CLVS1: variants seen among roughly 807,000 people sequenced by gnomAD.
CLVS1 encodes clavesin-1.
A neutral mutation model predicts 33.1 loss-of-function variants in CLVS1; 10 were observed. The ratio of observed to expected loss-of-function variants is 0.30; its 90% CI spans 0.19 to 0.51. The LOEUF (loss-of-function observed/expected upper bound fraction) is 0.51, where lower values mean the gene tolerates loss of function less well. Ranked by LOEUF, CLVS1 falls within the 20% of genes least tolerant of loss-of-function variation. The probability of loss-of-function intolerance (pLI) is 0.97; values close to 1 mark genes in which losing one functional copy is unlikely to be tolerated. For synonymous variants in CLVS1, 163 were observed against 166.1 expected (o/e 0.98, Z 0.14); for missense variants, 343 against 433.4 (o/e 0.79, Z 1.85).
At chr8:61,190,190 G>A (rs1044165849) in intron 2 of CLVS1, among the ~76,000 whole-genome samples, 29 of 151,992 alleles carry the variant, frequency 1.9e-4, no homozygotes, top group South Asian at 6.2e-4. Context: ...ACCACAGTGC[G>A]ATCAAACTAG....
chr8:61,110,201 C>A lies in CLVS1; in HGVS notation c.-242-21569C>A, dbSNP rs1291216828. Among the ~76,000 whole-genome samples, 6 of 152,186 alleles carry A rather than the reference C, an allele frequency of 3.9e-5. No homozygotes were observed. In the East Asian group the frequency reaches 1.2e-3, roughly 29 times the overall value. ...GGGGTCGGCCTGTAACCCTGACTGC[C>A]TGGCAGGTGCAGAAAACATTGGCTG... On this transcript the variant is annotated intron_variant, in intron 1 of 2. Coordinates refer to the CLVS1 transcript ENST00000522621.
the CLVS1 span, chr8:60,966,511 C>T: frequency 2.5e-6 from 1 of 392,982 alleles, no homozygotes; most frequent in Non-Finnish European, 5.1e-6. Flanking sequence ...TGCCATGACC[C>T]AGCATCCCAA....
intron 1 of CLVS1, among the ~76,000 whole-genome samples, chr8:61,105,757 C>T (rs1262465476): frequency 1.3e-5 from 2 of 148,862 alleles, no homozygotes; most frequent in Non-Finnish European, 3.0e-5. Context: ...TAGGAGGTCT[C>T]TGAACATTTT....
chr8:60,991,399 A>G, the CLVS1 span, among the ~76,000 whole-genome samples: 3 of 152,356 alleles, frequency 2.0e-5, no homozygotes, highest in Admixed American at 1.3e-4. Context: ...TGTACTGAAT[A>G]GCTTTTATAC....
At chr8:61,172,305 T>C (rs1248548700) in intron 2 of CLVS1, among the ~76,000 whole-genome samples, 1 of 146,226 alleles carries the variant, frequency 6.8e-6, no homozygotes, top group Non-Finnish European at 1.5e-5. Flanking sequence ...GAAGACTTTA[T>C]TTGGGGGAAA....
intron 2 of CLVS1, among the ~76,000 whole-genome samples, chr8:61,200,265 C>T (rs1431747419): frequency 6.6e-6 from 1 of 151,830 alleles, no homozygotes; most frequent in Admixed American, 6.6e-5. Flanking sequence ...ATTATAGGTG[C>T]CTGCCACCAT....
chr8:61,337,451 G>A (rs910006572), intron 2 of CLVS1, among the ~76,000 whole-genome samples: 12 of 152,110 alleles, frequency 7.9e-5, no homozygotes, highest in Admixed American at 2.0e-4. Context: ...GCCCAGCACT[G>A]GACAGTCCCT....
intron 2 of CLVS1, among the ~76,000 whole-genome samples, chr8:61,336,783 A>G (rs978867162): frequency 1.3e-5 from 2 of 152,262 alleles, no homozygotes; most frequent in Non-Finnish European, 2.9e-5. Context: ...GAAAATACAT[A>G]AAGTTTGACT....
chr8:61,135,805 G>T (rs1466395395), intron 2 of CLVS1, among the ~76,000 whole-genome samples: 2 of 152,194 alleles, frequency 1.3e-5, no homozygotes, highest in Admixed American at 6.5e-5. Context: ...TGCTAAAAAT[G>T]CACCTCACAA....
intron 2 of CLVS1, among the ~76,000 whole-genome samples, chr8:61,222,407 A>G (rs1808235999): frequency 6.6e-6 from 1 of 152,076 alleles, no homozygotes; most frequent in South Asian, 2.1e-4. Flanking sequence ...ATTTCAAAGA[A>G]TTTCTTGATT....
chr8:61,376,553 G>T, intron 2 of CLVS1, 52 bp from the exon 3 acceptor site: 1 of 1,564,556 alleles, frequency 6.4e-7, no homozygotes, highest in Non-Finnish European at 8.7e-7. Context: ...CACGCAACAT[G>T]CTATCACCTG....
At chr8:61,000,660 G>A in the CLVS1 span, among the ~76,000 whole-genome samples, 4 of 152,134 alleles carry the variant, frequency 2.6e-5, no homozygotes, top group Non-Finnish European at 5.9e-5. Flanking sequence ...TTGTGACAAA[G>A]GCTGAATTTC....
chr8:61,342,965 G>A (rs1195168026), intron 2 of CLVS1, among the ~76,000 whole-genome samples: 4 of 152,206 alleles, frequency 2.6e-5, no homozygotes, highest in African/African-American at 9.6e-5. Context: ...GGAGAAACAT[G>A]GACACAACAT....
At chr8:61,487,150 T>C (rs890804773) in intron 5 of CLVS1, among the ~76,000 whole-genome samples, 20 of 152,276 alleles carry the variant, frequency 1.3e-4, no homozygotes, top group Middle Eastern at 3.4e-3. Flanking sequence ...GCTCTGCCCC[T>C]GCTGAGGGCC....
chr8:61,433,979 G>A (rs1816213403), intron 3 of CLVS1, among the ~76,000 whole-genome samples: 1 of 152,018 alleles, frequency 6.6e-6, no homozygotes, highest in Non-Finnish European at 1.5e-5. Context: ...TAGAAGAGGG[G>A]CCTTCCAGGC....
At chr8:61,150,927 T>C (rs1471921836) in intron 2 of CLVS1, among the ~76,000 whole-genome samples, 1 of 152,016 alleles carries the variant, frequency 6.6e-6, no homozygotes. Flanking sequence ...AGCAGGTGAG[T>C]TGGCCACAAA....
chr8:61,046,214 C>T, the CLVS1 span, among the ~76,000 whole-genome samples: 1 of 147,342 alleles, frequency 6.8e-6, no homozygotes, highest in African/African-American at 2.6e-5. Context: ...TATGGCTAGC[C>T]AGTTTTCCCA....
intron 3 of CLVS1, among the ~76,000 whole-genome samples, chr8:61,450,766 T>G (rs1468223377): frequency 3.3e-5 from 5 of 152,136 alleles, no homozygotes; most frequent in African/African-American, 1.2e-4. Context: ...AATGATCACA[T>G]TTAAAAAGGA....
intron 5 of CLVS1, among the ~76,000 whole-genome samples, chr8:61,473,342 A>T (rs1358912871): frequency 5.8e-4 from 6 of 10,374 alleles, no homozygotes; most frequent in Non-Finnish European, 3.1e-3. Context: ...CACGGAATTT[A>T]AAAAAAAAAA....
Sources: allele counts gnomAD v4.1 joint callset (sites outside exome capture counted in the v4.1 genomes callset), GRCh38; gene constraint gnomAD v4.1.1; transcripts MANE v1.5; gene names NCBI Gene and HGNC (gene_info 2026-07-23, HGNC 2026-07-21).